NPHP1: variants seen among roughly 807,000 people sequenced by gnomAD.
The protein encoded by NPHP1 is nephrocystin 1, also known as nephrocystin-1.
Under a neutral mutation model 90.4 loss-of-function variants are expected in NPHP1, and 70 were observed. That is an observed-to-expected ratio of 0.77 (90% CI 0.64 to 0.95). The LOEUF is 0.95. Ranked by LOEUF, NPHP1 falls within the 40% of genes least tolerant of loss-of-function variation. NPHP1 has a pLI of 0.00. For missense variants in NPHP1, 764 were observed against 795.9 expected (o/e 0.96, Z 0.48); for synonymous variants, 256 against 271.7 (o/e 0.94, Z 0.57).
intron 2 of NPHP1, among the ~76,000 whole-genome samples, chr2:110,190,764 T>A (rs1684662459): frequency 6.6e-6 from 1 of 152,094 alleles, no homozygotes. Flanking sequence ...CTCACTATCA[T>A]CAGAATGAAC....
chr2:110,164,803 C>A, intron 7 of NPHP1, 73 bp from the exon 8 acceptor site: 1 of 1,278,064 alleles, frequency 7.8e-7, no homozygotes, highest in South Asian at 1.2e-5. Flanking sequence ...CTTCTTTAAT[C>A]ACAGTTGATA....
At chr2:110,183,002 C>T (rs1473656656) in intron 2 of NPHP1, among the ~76,000 whole-genome samples, 1 of 152,014 alleles carries the variant, frequency 6.6e-6, no homozygotes, top group Non-Finnish European at 1.5e-5. Flanking sequence ...ATTCTAGCTT[C>T]TGACAAAACA....
At chr2:110,185,231 C>T in intron 2 of NPHP1, 3 of 512,666 alleles carry the variant, frequency 5.9e-6, no homozygotes, top group Non-Finnish European at 1.2e-5. Flanking sequence ...CACTTTAAAA[C>T]TCGCTTTGTT....
chr2:110,144,063 A>G (rs1680838990), intron 15 of NPHP1: 2 of 316,220 alleles, frequency 6.3e-6, no homozygotes, highest in African/African-American at 2.2e-5. Flanking sequence ...GGCAATGACC[A>G]TATCTGTCTT....
intron 6 of NPHP1, among the ~76,000 whole-genome samples, chr2:110,167,278 A>G (rs918023702): frequency 2.0e-5 from 3 of 152,052 alleles, no homozygotes; most frequent in Non-Finnish European, 2.9e-5. Flanking sequence ...GTGGGCACCT[A>G]AACAGCTTCA....
chr2:110,128,770 C>A, intron 18 of NPHP1: 1 of 196,032 alleles, frequency 5.1e-6, no homozygotes, highest in South Asian at 1.1e-4. Flanking sequence ...AGATTTCATA[C>A]GATTTAACAT....
chr2:110,149,812 G>A (rs1284207224), intron 12 of NPHP1, among the ~76,000 whole-genome samples: 1 of 152,128 alleles, frequency 6.6e-6, no homozygotes, highest in African/African-American at 2.4e-5. Flanking sequence ...ACAGTGTGTG[G>A]GTGTAATGTA....
At chr2:110,200,169 C>G (rs1005275190) in intron 2 of NPHP1, among the ~76,000 whole-genome samples, 1 of 152,062 alleles carries the variant, frequency 6.6e-6, no homozygotes, top group African/African-American at 2.4e-5. Context: ...GCAGGAGAAT[C>G]GCTTGAACCT....
rs1398741742 is a variant in NPHP1, at chr2:110,178,427, T to C, written c.325A>G (p.Thr109Ala). 2 of 1,613,702 alleles carry C rather than the reference T, an allele frequency of 1.2e-6. No individual in the cohort carries two copies. Among genetic ancestry groups the C allele is most frequent in the Non-Finnish European group, 1.7e-6 (2 of 1,179,842 alleles). The change falls in exon 4 of 20, where the codon ACT becomes GCT. Residue 109 changes from threonine to alanine, a missense_variant. Thr to Ala is a moderately conservative substitution (Grantham distance 58, BLOSUM62 0). Transcript: ENST00000445609. ...LAVTISRENI[T>A]EVGAPTEEEE... ...AAAGGTAGAAAGGAAGCATACTCAG[T>C]TATATTTTCTCTGCTTATTGTCACA...
Position 110,163,065 on chromosome 2 carries a change from G to A in NPHP1, c.842C>T (p.Ser281Leu). The change falls in exon 9 of 20, where the codon TCA becomes TTA. Residue 281 changes from serine to leucine, a missense_variant. Transcript: ENST00000445609. Reference sequence around the variant, plus strand: ...CGCATTACCTTCCTCCAGAAGCTGTGAGAGCGTGGAAGGCCTGAACCCTGC... The same window carrying A: ...CGCATTACCTTCCTCCAGAAGCTGTAAGAGCGTGGAAGGCCTGAACCCTGC... Reference protein sequence around the residue: ...IPAGFRPSTLSQLLEEGNQFR... With the variant: ...IPAGFRPSTLLQLLEEGNQFR... 6.2e-7 allele frequency: 1 copy of A among 1,612,744 alleles called. No homozygotes were observed.
chr2:110,132,490 G>T (rs540495750), intron 16 of NPHP1, among the ~76,000 whole-genome samples: 1 of 152,032 alleles, frequency 6.6e-6, no homozygotes, highest in Non-Finnish European at 1.5e-5. Context: ...CCATATCTCT[G>T]CTGAAAATAC....
chr2:110,156,058 T>C (rs914367581), intron 11 of NPHP1, among the ~76,000 whole-genome samples: 1 of 147,200 alleles, frequency 6.8e-6, no homozygotes, highest in Non-Finnish European at 1.5e-5. Context: ...GATTGAATTA[T>C]GGAGGCAGGT....
intron 2 of NPHP1, among the ~76,000 whole-genome samples, chr2:110,199,915 C>T (rs1305678040): frequency 6.6e-6 from 1 of 152,090 alleles, no homozygotes; most frequent in Non-Finnish European, 1.5e-5. Context: ...ATGACAGTAA[C>T]AATCTTCTTT....
chr2:110,157,282 C>T (rs1681976794), intron 11 of NPHP1, among the ~76,000 whole-genome samples: 1 of 151,814 alleles, frequency 6.6e-6, no homozygotes, highest in East Asian at 1.9e-4. Context: ...TATATGAGAA[C>T]ACAGAGAGGT....
At chr2:110,184,302 T>C (rs919745596) in intron 2 of NPHP1, 2 of 595,454 alleles carry the variant, frequency 3.4e-6, no homozygotes, top group Non-Finnish European at 6.5e-6. Flanking sequence ...TGTCAAGGAC[T>C]GGAACGACAT....
intron 16 of NPHP1, among the ~76,000 whole-genome samples, chr2:110,137,093 A>C (rs1425750008): frequency 3.9e-5 from 6 of 152,118 alleles, no homozygotes; most frequent in Non-Finnish European, 8.8e-5. Context: ...CTATTTAATA[A>C]ATGGTGCTGG....
At chr2:110,127,478 A>C (rs1679449956) in intron 18 of NPHP1, 2 of 152,130 alleles carry the variant, frequency 1.3e-5, no homozygotes, top group Admixed American at 1.3e-4. Context: ...ATGTAGATAA[A>C]ATAATCCAAG....
At chr2:110,180,588 G>A (rs1683824688) in intron 2 of NPHP1, among the ~76,000 whole-genome samples, 1 of 151,306 alleles carries the variant, frequency 6.6e-6, no homozygotes, top group Non-Finnish European at 1.5e-5. Context: ...GAATGAAGAA[G>A]GGCAAGTGAA....
intron 18 of NPHP1, chr2:110,127,543 C>T (rs1003285814): frequency 6.6e-6 from 1 of 152,140 alleles, no homozygotes; most frequent in Non-Finnish European, 1.5e-5. Context: ...GATCTTTTCA[C>T]AGGCAGGTAT....
Sources: gnomAD v4.1 joint callset for allele counts (sites outside exome capture counted in the v4.1 genomes callset) on GRCh38, gnomAD v4.1.1 for gene constraint, MANE v1.5 for transcripts, NCBI Gene and HGNC (gene_info 2026-07-23, HGNC 2026-07-21) for gene names.